MARCHF5: variants seen among roughly 807,000 people sequenced by gnomAD.
MARCHF5 encodes E3 ubiquitin-protein ligase MARCHF5.
Under a neutral mutation model 36.5 loss-of-function variants are expected in MARCHF5, and 5 were observed. That is an observed-to-expected ratio of 0.14 (90% CI 0.07 to 0.29). The LOEUF is 0.29. Ranked by LOEUF, MARCHF5 falls within the 10% of genes least tolerant of loss-of-function variation. The pLI is 1.00. For missense variants in MARCHF5, 179 were observed against 336.3 expected, an observed-to-expected ratio of 0.53 and a Z score of 3.66; for synonymous variants, 103 against 109.9, an observed-to-expected ratio of 0.94 and a Z score of 0.39.
intron 3 of MARCHF5, among the ~76,000 whole-genome samples, chr10:92,347,607 T>C (rs1281002366): frequency 6.6e-6 from 1 of 152,162 alleles, no homozygotes; most frequent in African/African-American, 2.4e-5. Flanking sequence ...CATGGCCAGC[T>C]AACTTTTGCT....
chr10:92,298,018 C>T lies in MARCHF5; in HGVS notation c.35+6489C>T, dbSNP rs141342344. Among the ~76,000 whole-genome samples the T allele has an allele frequency of 4.7e-3, 713 of 152,118 alleles. 4 individuals are homozygous for T. Among genetic ancestry groups the T allele is most frequent in the Admixed American group, 0.013 (193 of 15,288 alleles). ...TTCAAGACCAGCCTGGCCAACATGG[C>T]GAATCCCCATCTCTACAAAAAATAC... is the stretch of plus-strand genomic sequence containing the variant. On this transcript the variant is annotated intron_variant, in intron 1 of 5. Transcript: ENST00000358935.
At chr10:92,323,260 C>T (rs1843313237) in intron 2 of MARCHF5, among the ~76,000 whole-genome samples, 2 of 152,092 alleles carry the variant, frequency 1.3e-5, no homozygotes, top group Non-Finnish European at 2.9e-5. Context: ...TTTAGGTTCA[C>T]AGTAAACCAT....
intron 1 of MARCHF5, among the ~76,000 whole-genome samples, chr10:92,299,577 G>A (rs1315498519): frequency 6.6e-6 from 1 of 152,100 alleles, no homozygotes; most frequent in Non-Finnish European, 1.5e-5. Flanking sequence ...ACTCCTTTCT[G>A]TGTTTCAATA....
chr10:92,338,245 T>C (rs1330938418), intron 2 of MARCHF5, among the ~76,000 whole-genome samples: 1 of 152,160 alleles, frequency 6.6e-6, no homozygotes, highest in South Asian at 2.1e-4. Context: ...GTTTTATATA[T>C]ACTTACGGTC....
intron 2 of MARCHF5, among the ~76,000 whole-genome samples, chr10:92,326,541 G>A (rs1471726114): frequency 6.6e-6 from 1 of 152,156 alleles, no homozygotes; most frequent in Non-Finnish European, 1.5e-5. Context: ...ATGTGAATTT[G>A]AATTAATTTG....
chr10:92,345,239 T>C (rs1345246912), intron 3 of MARCHF5, among the ~76,000 whole-genome samples: 2 of 151,832 alleles, frequency 1.3e-5, no homozygotes, highest in Non-Finnish European at 2.9e-5. Flanking sequence ...GGCCAGGTGC[T>C]GTAGCTCATG....
In MARCHF5 at chr10:92,346,449, A is replaced by G. The variant is rs1046636209; in HGVS notation, c.370-2900A>G. Among the ~76,000 whole-genome samples the G allele has an allele frequency of 3.3e-5, 5 of 150,858 alleles. No individual in the cohort carries two copies. The South Asian group carries it at 8.4e-4, about 25-fold the overall frequency. On this transcript the variant is annotated intron_variant, in intron 3 of 5. Transcript: ENST00000358935. ...ATCTCTCTTCACTTTAGTTGTAACA[A>G]GTGAAATACTGGGCCTTTGCTCATT...
chr10:92,311,025 G>C, intron 1 of MARCHF5, 110 bp from the exon 2 acceptor site: 1 of 730,544 alleles, frequency 1.4e-6, no homozygotes, highest in Non-Finnish European at 2.3e-6. Context: ...ATAGGACAGA[G>C]ATTCTGTAAT....
At position 92,311,137 on chromosome 10, in the gene MARCHF5, G is replaced by A; in HGVS notation, c.38G>A (p.Ser13Asn). The A allele has an allele frequency of 6.2e-7, 1 of 1,613,472 alleles. No homozygotes were observed. The highest frequency in any genetic ancestry group is 1.1e-5 in the South Asian group (1 of 91,068). ...TCCTTTTCTCTTTTAATTTACAGAA[G>A]TTGCTGGGTTTGTTTTGCTACTGAT... ...DQALQQMLDR[S>N]CWVCFATDED... is the part of the protein sequence containing the mutation. Residue 13 changes from serine (S) to asparagine (N), a missense_variant and splice_region_variant, in exon 2 of 6, where the codon AGT becomes AAT. Coordinates refer to ENST00000358935, the MANE Select transcript of MARCHF5 (RefSeq NM_017824.5).
rs2135164400 is a variant in MARCHF5, at chr10:92,291,175, A to C, written c.-320A>C. On this transcript the variant is annotated 5_prime_UTR_variant, in exon 1 of 6. Coordinates refer to ENST00000358935, the MANE Select transcript of MARCHF5 (RefSeq NM_017824.5). Reference sequence around the variant, plus strand: ...CGGAGGCGGCGACTCTTACCTCACAAAGGTAGCTCCTCCGCCGGCAGCAAC... The same window carrying C: ...CGGAGGCGGCGACTCTTACCTCACACAGGTAGCTCCTCCGCCGGCAGCAAC... 2 of 472,586 alleles carry C rather than the reference A, an allele frequency of 4.2e-6. No individual in the cohort carries two copies. The highest frequency in any genetic ancestry group is 8.4e-5 in the East Asian group (2 of 23,680). 29.3% of individuals were successfully genotyped at this position (472,586 alleles called of 1,614,324 possible). A position where few individuals can be genotyped will look rare whatever the true frequency, so the allele number is the denominator to read the frequency against.
chr10:92,305,715 A>G (rs1052360702), intron 1 of MARCHF5, among the ~76,000 whole-genome samples: 4 of 152,194 alleles, frequency 2.6e-5, no homozygotes, highest in Non-Finnish European at 4.4e-5. Flanking sequence ...AGAAATTACA[A>G]CTTCCTTTTT....
At chr10:92,349,286 G>T in intron 3 of MARCHF5, 63 bp from the exon 4 acceptor site, 1 of 1,228,456 alleles carries the variant, frequency 8.1e-7, no homozygotes, top group Non-Finnish European at 1.1e-6. Flanking sequence ...AAAAAATAGA[G>T]CTTAACATGC....
At chr10:92,321,990 A>G (rs929177820) in intron 2 of MARCHF5, among the ~76,000 whole-genome samples, 11 of 151,854 alleles carry the variant, frequency 7.2e-5, no homozygotes, top group African/African-American at 2.7e-4. Context: ...CATGCCTGTA[A>G]TCCCAGCACT....
At chr10:92,303,172 A>T (rs1843035776) in intron 1 of MARCHF5, among the ~76,000 whole-genome samples, 2 of 152,208 alleles carry the variant, frequency 1.3e-5, no homozygotes. Context: ...TACTTTAAAA[A>T]TAATTAACCT....
chr10:92,332,601 A>G (rs1843449945), intron 2 of MARCHF5, among the ~76,000 whole-genome samples: 1 of 147,246 alleles, frequency 6.8e-6, no homozygotes, highest in South Asian at 2.2e-4. Flanking sequence ...GCTCACTACA[A>G]CCTCCACCTC....
At chr10:92,295,845 G>A (rs1842944139) in intron 1 of MARCHF5, among the ~76,000 whole-genome samples, 1 of 150,854 alleles carries the variant, frequency 6.6e-6, no homozygotes, top group African/African-American at 2.4e-5. Flanking sequence ...ATATACATAC[G>A]TATATATATA....
rs1843713570 is a variant in MARCHF5, at chr10:92,351,465, G to A, written c.*258G>A. 1 of 265,390 alleles carries A rather than the reference G, an allele frequency of 3.8e-6. No individual in the cohort carries two copies. The highest frequency in any genetic ancestry group is 2.2e-5 in the African/African-American group (1 of 45,170). The allele number at this position is 265,390 out of a possible 1,614,324, so 16.4% of individuals were successfully genotyped here. ...CATTATCTTAGCATGGTAAACCTGG[G>A]TTTTGTTCATATTTTCTCCAGACAG... On this transcript the variant is annotated 3_prime_UTR_variant, in exon 6 of 6. Transcript: ENST00000358935.
In MARCHF5 at chr10:92,291,431, T is replaced by C. The variant is rs1653674289; in HGVS notation, c.-64T>C. 7 of 1,410,528 alleles carry C rather than the reference T, an allele frequency of 5.0e-6. No homozygotes were observed. Among genetic ancestry groups the C allele is most frequent in the Non-Finnish European group, 6.9e-6 (7 of 1,020,712 alleles). 87.4% of individuals were successfully genotyped at this position (1,410,528 alleles called of 1,614,324 possible). A position where few individuals can be genotyped will look rare whatever the true frequency, so the allele number is the denominator to read the frequency against. On this transcript the variant is annotated 5_prime_UTR_variant, in exon 1 of 6. Coordinates refer to ENST00000358935, the MANE Select transcript of MARCHF5 (RefSeq NM_017824.5). ...CTACTCCGCCGCCTCTCAGTGCTATTGTCCCTGGGCCTGGCCTTGAGCGGG... is the reference window on the plus strand; with the variant it reads ...CTACTCCGCCGCCTCTCAGTGCTATCGTCCCTGGGCCTGGCCTTGAGCGGG...
chr10:92,351,417 A>G lies in MARCHF5; in HGVS notation c.*210A>G, dbSNP rs1204174168. Reference sequence around the variant, plus strand: ...TTTGTTTTCATTGTTTGTATGTACTACTTTTATGGCAGTCATATGAACCAT... The same window carrying G: ...TTTGTTTTCATTGTTTGTATGTACTGCTTTTATGGCAGTCATATGAACCAT... On this transcript the variant is annotated 3_prime_UTR_variant, in exon 6 of 6. Transcript: ENST00000358935. The G allele has an allele frequency of 5.0e-6, 2 of 400,938 alleles. No individual in the cohort carries two copies. The highest frequency in any genetic ancestry group is 4.4e-6 in the Non-Finnish European group (1 of 227,266). 24.8% of individuals were successfully genotyped at this position (400,938 alleles called of 1,614,324 possible). A position where few individuals can be genotyped will look rare whatever the true frequency, so the allele number is the denominator to read the frequency against.
Sources: gnomAD v4.1 joint callset for allele counts (sites outside exome capture counted in the v4.1 genomes callset) on GRCh38, gnomAD v4.1.1 for gene constraint, MANE v1.5 for transcripts, NCBI Gene and HGNC (gene_info 2026-07-23, HGNC 2026-07-21) for gene names.